Variants in CFAP20DC observed in about 807,000 individuals in gnomAD.
The protein encoded by CFAP20DC is protein CFAP20DC.
A neutral mutation model predicts 101.7 loss-of-function variants in CFAP20DC; 84 were observed. That is an observed-to-expected ratio of 0.83 (90% CI 0.69 to 0.99). The LOEUF is 0.99. Ranked by LOEUF, CFAP20DC falls within the 50% of genes least tolerant of loss-of-function variation. The pLI is 0.00. For synonymous variants in CFAP20DC, 359 were observed against 351.2 expected, an observed-to-expected ratio of 1.02 and a Z score of -0.25; for missense variants, 1,007 against 970.3, an observed-to-expected ratio of 1.04 and a Z score of -0.50.
rs572952739 is a variant in CFAP20DC at position 58,899,658 on chromosome 3, G to T, written c.550+14050C>A. Among the ~76,000 whole-genome samples, 2 of 152,164 alleles carry T rather than the reference G, an allele frequency of 1.3e-5. No individual in the cohort carries two copies. The highest frequency in any genetic ancestry group is 2.9e-5 in the Non-Finnish European group (2 of 68,024). ...CCTAATCTGCTGGTTGCAAAGATCC[G>T]TGGGAGGGGTGTGGTTTCCTGGGCA... On this transcript the variant is annotated intron_variant, in intron 6 of 16. Coordinates refer to ENST00000482387, the MANE Select transcript of CFAP20DC (RefSeq NM_001394063.1). This position sits in a 1 kb window ranked among gnomAD's most constrained non-coding sequence, Gnocchi z 5.0.
At chr3:58,755,975 T>C (rs776998137) in intron 15 of CFAP20DC, among the ~76,000 whole-genome samples, 3 of 152,224 alleles carry the variant, frequency 2.0e-5, no homozygotes, top group Non-Finnish European at 4.4e-5. Flanking sequence ...ATGAAAATTA[T>C]ATAAAATTCG....
At chr3:58,763,655 C>T (rs984789745) in intron 15 of CFAP20DC, among the ~76,000 whole-genome samples, 2 of 152,106 alleles carry the variant, frequency 1.3e-5, no homozygotes, top group African/African-American at 4.8e-5. Flanking sequence ...TGTTTTTTCC[C>T]CATCTTTGTG....
chr3:58,868,022 A>T lies in CFAP20DC; in HGVS notation c.1016-86T>A. 1 of 1,363,246 alleles carries T rather than the reference A, an allele frequency of 7.3e-7. No individual in the cohort carries two copies. Among genetic ancestry groups the T allele is most frequent in the Non-Finnish European group, 9.8e-7 (1 of 1,018,508 alleles). 84.4% of individuals were successfully genotyped at this position (1,363,246 alleles called of 1,614,324 possible). On this transcript the variant is annotated intron_variant, in intron 9 of 16. Transcript: ENST00000482387. The surrounding 1 kb of genome is among the most constrained non-coding windows in gnomAD (Gnocchi z 4.6). Reference sequence around the variant, plus strand: ...CTCAGTAAATATAATTATCACTATAATGAGAATATTCATGTATAATTTTGA... The same window carrying T: ...CTCAGTAAATATAATTATCACTATATTGAGAATATTCATGTATAATTTTGA...
At chr3:58,809,902 C>A (rs1316095633) in intron 14 of CFAP20DC, among the ~76,000 whole-genome samples, 1 of 152,072 alleles carries the variant, frequency 6.6e-6, no homozygotes, top group Admixed American at 6.5e-5. Context: ...ATACAAACTA[C>A]CATCAGGGAA....
chr3:58,997,211 T>C (rs1384510592), intron 4 of CFAP20DC, among the ~76,000 whole-genome samples: 2 of 152,256 alleles, frequency 1.3e-5, no homozygotes. Flanking sequence ...TATTTAATTC[T>C]ATGTGCCCAA....
At chr3:58,725,669 G>C (rs989411488) in intron 3 of CFAP20DC, among the ~76,000 whole-genome samples, 2 of 152,232 alleles carry the variant, frequency 1.3e-5, no homozygotes, top group Non-Finnish European at 2.9e-5. Flanking sequence ...CTGGTTGGCT[G>C]AGTCATTGTG....
At chr3:58,837,928 T>G (rs1428169963) in intron 13 of CFAP20DC, among the ~76,000 whole-genome samples, 1 of 152,184 alleles carries the variant, frequency 6.6e-6, no homozygotes, top group Non-Finnish European at 1.5e-5. Context: ...TTTTAAATAA[T>G]AGCTGATGGT....
chr3:58,853,601 C>A (rs1446965528), intron 12 of CFAP20DC, among the ~76,000 whole-genome samples: 154 of 152,064 alleles, frequency 1.0e-3, no homozygotes, highest in African/African-American at 3.2e-3. Context: ...TACTGGCAAA[C>A]CGAATCCAGC....
chr3:58,808,096 C>T (rs1458007977), intron 14 of CFAP20DC, among the ~76,000 whole-genome samples: 2 of 152,194 alleles, frequency 1.3e-5, no homozygotes, highest in East Asian at 1.9e-4. Flanking sequence ...GATTGGTGTA[C>T]TTGAAAGTGA....
chr3:58,841,619 T>C (rs368814286), intron 13 of CFAP20DC, among the ~76,000 whole-genome samples: 15 of 152,238 alleles, frequency 9.9e-5, no homozygotes, highest in African/African-American at 2.9e-4. Flanking sequence ...CACTATTCTA[T>C]GGCCTAAAAT....
intron 15 of CFAP20DC, among the ~76,000 whole-genome samples, chr3:58,784,340 T>C (rs773645345): frequency 1.3e-5 from 2 of 151,922 alleles, no homozygotes; most frequent in Non-Finnish European, 2.9e-5. Flanking sequence ...TGAAAGACTA[T>C]AGCAACAATA....
chr3:58,829,854 T>A (rs191427314), intron 14 of CFAP20DC, among the ~76,000 whole-genome samples: 152 of 152,302 alleles, frequency 1.0e-3, no homozygotes, highest in African/African-American at 3.4e-3. Context: ...CTTTGTAATG[T>A]TGGTCTCCAA....
At chr3:58,769,208 C>T (rs774157168) in intron 15 of CFAP20DC, among the ~76,000 whole-genome samples, 1 of 152,168 alleles carries the variant, frequency 6.6e-6, no homozygotes, top group South Asian at 2.1e-4. Context: ...TGACTTCCTT[C>T]TCCCTCCTCC....
rs892220704 is a variant in CFAP20DC, at chr3:58,897,574, G to A, written c.551-12865C>T. ...CAGAAGTGCTTGCAAGGCAAGCCTC[G>A]TGGTGATGAGTTCCCTCAGCATTTG... On this transcript the variant is annotated intron_variant, in intron 6 of 16. Transcript: ENST00000482387. This position sits in a 1 kb window ranked among gnomAD's most constrained non-coding sequence, Gnocchi z 4.4. 1.3e-5 allele frequency among the ~76,000 whole-genome samples: 2 copies of A among 152,188 alleles called. No individual in the cohort carries two copies. The highest frequency in any genetic ancestry group is 2.9e-5 in the Non-Finnish European group (2 of 68,040).
rs143276468 is a variant in CFAP20DC at position 58,884,576 on chromosome 3, G to T, written c.684C>A (p.Phe228Leu). ...MTKLRQTEIK[F>L]GGHPLRSAES... is the part of the protein sequence containing the mutation. Reference sequence around the variant, plus strand: ...CTGCTGATCTTAGAGGATGGCCTCCGAATTTTATTTCAGTTTGGCGAAGTT... The same window carrying T: ...CTGCTGATCTTAGAGGATGGCCTCCTAATTTTATTTCAGTTTGGCGAAGTT... The change falls in exon 7 of 17, where the codon TTC becomes TTA. Residue 228 changes from phenylalanine to leucine, a missense_variant. By Grantham distance (22) the Phe-to-Leu change is conservative. Transcript: ENST00000482387. 1 of 1,613,968 alleles carries T rather than the reference G, an allele frequency of 6.2e-7. No homozygotes were observed. Among genetic ancestry groups the T allele is most frequent in the Non-Finnish European group, 8.5e-7 (1 of 1,179,894 alleles).
intron 14 of CFAP20DC, 143 bp from the exon 15 acceptor site, chr3:58,806,599 G>A (rs530369237): frequency 5.5e-5 from 37 of 675,236 alleles, no homozygotes; most frequent in African/African-American, 3.6e-4. Context: ...CAAGACGGCC[G>A]AATAGGAACA....
chr3:58,908,631 C>G (rs1387168502), intron 6 of CFAP20DC, among the ~76,000 whole-genome samples: 1 of 152,116 alleles, frequency 6.6e-6, no homozygotes, highest in Non-Finnish European at 1.5e-5. Flanking sequence ...ACCATACAGT[C>G]CAGCAACCAC....
At chr3:58,930,678 T>C (rs1004266616) in intron 5 of CFAP20DC, among the ~76,000 whole-genome samples, 2 of 152,192 alleles carry the variant, frequency 1.3e-5, no homozygotes, top group African/African-American at 2.4e-5. Context: ...AATATTGTTT[T>C]GTTTTCAGTA....
intron 4 of CFAP20DC, among the ~76,000 whole-genome samples, chr3:58,957,536 A>C (rs980007100): frequency 9.9e-5 from 15 of 152,218 alleles, no homozygotes; most frequent in Admixed American, 8.5e-4. Flanking sequence ...AGTATATCAA[A>C]GAGATATCTG....
Sources: gnomAD v4.1 joint callset for allele counts (sites outside exome capture counted in the v4.1 genomes callset) on GRCh38, gnomAD v4.1.1 for gene constraint, Gnocchi (gnomAD v3.1) non-coding constraint, MANE v1.5 for transcripts, NCBI Gene and HGNC (gene_info 2026-07-23, HGNC 2026-07-21) for gene names.